CPAP: variants seen among roughly 807,000 people sequenced by gnomAD.
CPAP encodes the protein centrosomal P4.1-associated protein.
the CPAP span, chr13:24,892,627 C>A: frequency 6.2e-7 from 1 of 1,605,730 alleles, no homozygotes; most frequent in Non-Finnish European, 8.5e-7. Context: ...CACAACCCAC[C>A]CGCCTCCCTG....
chr13:24,918,185 T>G, the CPAP span, among the ~76,000 whole-genome samples: 1 of 152,184 alleles, frequency 6.6e-6, no homozygotes, highest in Non-Finnish European at 1.5e-5. Flanking sequence ...CAGAAGCTAG[T>G]ACTATGACCA....
the CPAP span, among the ~76,000 whole-genome samples, chr13:24,900,067 T>C: frequency 1.3e-5 from 2 of 151,372 alleles, no homozygotes; most frequent in African/African-American, 2.4e-5. Flanking sequence ...TAAAGAGAAA[T>C]AAAGCAAGGA....
chr13:24,905,200 AAATC>A, the CPAP span: 5 of 763,906 alleles, frequency 6.5e-6, no homozygotes, highest in East Asian at 1.3e-4. Flanking sequence ...CCCATAAAAT[AAATC>A]AAATTTTTAC....
the CPAP span, chr13:24,908,150 T>G: frequency 6.5e-7 from 1 of 1,528,232 alleles, no homozygotes; most frequent in East Asian, 2.3e-5. Flanking sequence ...TAAGAACAAT[T>G]TAGCTCAAGA....
chr13:24,906,583 A>C, the CPAP span: 2 of 1,614,232 alleles, frequency 1.2e-6, no homozygotes, highest in Non-Finnish European at 8.5e-7. Flanking sequence ...TCTGGTCTCT[A>C]AACTGCCCAT....
At chr13:24,918,447 G>A in the CPAP span, among the ~76,000 whole-genome samples, 11 of 152,158 alleles carry the variant, frequency 7.2e-5, no homozygotes, top group Admixed American at 2.0e-4. Context: ...CCATGCAACC[G>A]AAAATCTAAG....
the CPAP span, chr13:24,885,384 A>C: frequency 1.2e-6 from 2 of 1,602,606 alleles, no homozygotes; most frequent in Non-Finnish European, 1.7e-6. Context: ...TGGGAGAGGC[A>C]GCCTGTAAGC....
the CPAP span, chr13:24,909,838 G>A: frequency 2.9e-5 from 46 of 1,613,670 alleles, no homozygotes; most frequent in Non-Finnish European, 3.6e-5. Context: ...TTTTCCACAG[G>A]TGCTTCTTGA....
the CPAP span, chr13:24,885,309 G>A: frequency 1.2e-6 from 2 of 1,613,270 alleles, no homozygotes; most frequent in Non-Finnish European, 1.7e-6. Flanking sequence ...CTCCCTGTAT[G>A]TCTTGGTCTT....
At chr13:24,895,017 G>T in the CPAP span, among the ~76,000 whole-genome samples, 2 of 152,222 alleles carry the variant, frequency 1.3e-5, no homozygotes, top group Admixed American at 1.3e-4. Flanking sequence ...AGCGCAGCGC[G>T]AAAGCTCAGA....
the CPAP span, chr13:24,899,679 G>A: frequency 1.1e-6 from 1 of 915,322 alleles, no homozygotes; most frequent in Non-Finnish European, 1.8e-6. Context: ...TAGTCCTAGT[G>A]AATTCATCTT....
chr13:24,888,585 A>AG, the CPAP span, among the ~76,000 whole-genome samples: 2 of 152,224 alleles, frequency 1.3e-5, no homozygotes, highest in East Asian at 3.8e-4. Flanking sequence ...CAGTAAAAAA[A>AG]ACTGGTACAA....
the CPAP span, chr13:24,892,664 C>T: frequency 1.2e-6 from 2 of 1,614,130 alleles, no homozygotes; most frequent in Non-Finnish European, 8.5e-7. Flanking sequence ...CCTTCTTCTC[C>T]ACCTCGAGGC....
the CPAP span, among the ~76,000 whole-genome samples, chr13:24,923,411 A>G: frequency 2.6e-5 from 4 of 152,174 alleles, no homozygotes; most frequent in Admixed American, 6.5e-5. Context: ...ATTCACTCCA[A>G]AAATAGGCAT....
chr13:24,892,906 A>G, the CPAP span: 1 of 1,356,042 alleles, frequency 7.4e-7, no homozygotes. Context: ...AACCATTACT[A>G]CATTACCAGA....
chr13:24,924,892 GATA>G, the CPAP span: 1 of 152,052 alleles, frequency 6.6e-6, no homozygotes, highest in Non-Finnish European at 1.5e-5. Flanking sequence ...AACAGGGGTG[GATA>G]ATAATGAGAC....
the CPAP span, among the ~76,000 whole-genome samples, chr13:24,902,238 A>T: frequency 1.1e-3 from 4 of 3,736 alleles, no homozygotes; most frequent in East Asian, 0.033. Context: ...GAAAATGCTA[A>T]AAAAAAACAA....
the CPAP span, chr13:24,889,313 T>G: frequency 4.4e-6 from 7 of 1,596,256 alleles, no homozygotes; most frequent in Non-Finnish European, 6.0e-6. Flanking sequence ...TGCAGCCTCT[T>G]ACCTTGCATT....
the CPAP span, among the ~76,000 whole-genome samples, chr13:24,932,188 C>T: frequency 1.3e-5 from 2 of 152,202 alleles, no homozygotes; most frequent in African/African-American, 2.4e-5. Context: ...CAAACCGACA[C>T]GGGACTCGGG....
Sources: allele counts gnomAD v4.1 joint callset (sites outside exome capture counted in the v4.1 genomes callset), GRCh38; gene constraint gnomAD v4.1.1; transcripts MANE v1.5; gene names NCBI Gene and HGNC (gene_info 2026-07-23, HGNC 2026-07-21).